The following GRK3 variants were observed in gnomAD, a reference collection of about 807,000 sequenced individuals.
GRK3 encodes adrenergic, beta, receptor kinase 2.
In GRK3, 54 loss-of-function variants were observed where a neutral mutation model predicts 95.7. The observed-to-expected ratio is 0.56, with a 90% CI of 0.45 to 0.71. The LOEUF is 0.71. Among genes scored for constraint, GRK3 ranks in the 30% least tolerant of loss-of-function variants. The probability of loss-of-function intolerance (pLI) is 0.00; values close to 1 mark genes in which losing one functional copy is unlikely to be tolerated. For missense variants in GRK3, 649 were observed against 851.2 expected, an observed-to-expected ratio of 0.76 and a Z score of 2.96; for synonymous variants, 281 against 290.8, an observed-to-expected ratio of 0.97 and a Z score of 0.34.
intron 1 of GRK3, among the ~76,000 whole-genome samples, chr22:25,601,741 C>CT (rs1371568126): frequency 6.6e-6 from 1 of 152,050 alleles, no homozygotes; most frequent in African/African-American, 2.4e-5. Context: ...AGAAGGAAGT[C>CT]TTTTCAACAA....
chr22:25,575,104 A>C (rs1403800994), intron 1 of GRK3, among the ~76,000 whole-genome samples: 2 of 152,240 alleles, frequency 1.3e-5, no homozygotes, highest in Non-Finnish European at 2.9e-5. Context: ...TTCATCATTT[A>C]GTTGACTGGC....
intron 15 of GRK3, among the ~76,000 whole-genome samples, chr22:25,705,599 A>G (rs1227584907): frequency 6.6e-6 from 1 of 152,134 alleles, no homozygotes; most frequent in Non-Finnish European, 1.5e-5. Context: ...ATATATACAT[A>G]TATAGTATGA....
chr22:25,628,299 A>T (rs1296965564), intron 2 of GRK3, among the ~76,000 whole-genome samples: 1 of 152,236 alleles, frequency 6.6e-6, no homozygotes, highest in Non-Finnish European at 1.5e-5. Context: ...GGCCATGTCT[A>T]TTGAAATAAC....
At chr22:25,618,691 T>C (rs1029321512) in intron 2 of GRK3, among the ~76,000 whole-genome samples, 4 of 152,202 alleles carry the variant, frequency 2.6e-5, no homozygotes, top group Non-Finnish European at 5.9e-5. Flanking sequence ...GTTAGGTTAT[T>C]GCCACACTGG....
intron 3 of GRK3, among the ~76,000 whole-genome samples, chr22:25,655,131 C>A (rs576191933): frequency 6.6e-6 from 1 of 152,224 alleles, no homozygotes; most frequent in South Asian, 2.1e-4. Context: ...AAACTCTTGT[C>A]AGGTATCTTG....
chr22:25,709,715 T>A (rs1047753966), intron 15 of GRK3, among the ~76,000 whole-genome samples, 183 bp from the exon 16 acceptor site: 9 of 152,206 alleles, frequency 5.9e-5, no homozygotes, highest in Non-Finnish European at 1.2e-4. Flanking sequence ...AGGCGCTGCA[T>A]GCAGTATTCT....
chr22:25,572,398 G>A (rs1931734622), intron 1 of GRK3, among the ~76,000 whole-genome samples: 1 of 152,156 alleles, frequency 6.6e-6, no homozygotes, highest in Non-Finnish European at 1.5e-5. Context: ...GGGTCAAATG[G>A]TATTTCTAGT....
intron 9 of GRK3, among the ~76,000 whole-genome samples, chr22:25,682,123 AAGCATTTATTTGGTAATTAAAAC>A (rs1328362179): frequency 7.9e-5 from 12 of 152,216 alleles, no homozygotes; most frequent in Non-Finnish European, 1.2e-4. Context: ...ACTTTAGTTA[AAGCATTTATTTGGTAATTAAAAC>A]AGCATTTATT....
rs370208365 is a variant in GRK3, at chr22:25,648,972, T to C, written c.264+4307T>C. 139 of 983,462 alleles carry C rather than the reference T, an allele frequency of 1.4e-4. 2 individuals carry two copies. The South Asian group carries it at 1.7e-3, about 12-fold the overall frequency. 60.9% of individuals were successfully genotyped at this position (983,462 alleles called of 1,614,324 possible). ...GTTTACAATAAAGTCTGGTGTCTGC[T>C]CATTTGGAATTCTACAGACAGAACT... On this transcript the variant is annotated intron_variant, in intron 3 of 20. Transcript: ENST00000324198.
At chr22:25,671,039 C>G (rs2084977825) in intron 6 of GRK3, among the ~76,000 whole-genome samples, 1 of 139,658 alleles carries the variant, frequency 7.2e-6, no homozygotes, top group Non-Finnish European at 1.5e-5. Context: ...GGGGACATAG[C>G]AAGACTCCAT....
At chr22:25,700,794 C>G (rs572896478) in intron 13 of GRK3, among the ~76,000 whole-genome samples, 1 of 152,250 alleles carries the variant, frequency 6.6e-6, no homozygotes, top group East Asian at 1.9e-4. Context: ...ACCTTGTTAG[C>G]CGGGATGGTC....
chr22:25,585,395 T>C (rs1932265797), intron 1 of GRK3, among the ~76,000 whole-genome samples: 1 of 152,222 alleles, frequency 6.6e-6, no homozygotes, highest in African/African-American at 2.4e-5. Flanking sequence ...TAGAATGTAA[T>C]GGTTACCATG....
At position 25,567,560 on chromosome 22, in the gene GRK3, G is replaced by C. The variant is rs148959086; in HGVS notation, c.113+2407G>C. On this transcript the variant is annotated intron_variant, in intron 1 of 20. Transcript: ENST00000324198. ...ATGACTTCACACTATTGGTAAAAGGGATACGGGTCAAATGTTTTCTGATAA... is the reference window on the plus strand; with the variant it reads ...ATGACTTCACACTATTGGTAAAAGGCATACGGGTCAAATGTTTTCTGATAA... 1.3e-4 allele frequency among the ~76,000 whole-genome samples: 20 copies of C among 152,310 alleles called. No homozygotes were observed. In the East Asian group the frequency reaches 3.7e-3, roughly 28 times the overall value.
chr22:25,654,798 A>G (rs2084858189), intron 3 of GRK3, among the ~76,000 whole-genome samples: 1 of 152,116 alleles, frequency 6.6e-6, no homozygotes, highest in Non-Finnish European at 1.5e-5. Context: ...CTGCTCATGC[A>G]TTTCCATTTG....
chr22:25,647,841 T>A (rs565264700), intron 3 of GRK3: 1 of 755,962 alleles, frequency 1.3e-6, no homozygotes, highest in Non-Finnish European at 2.4e-6. Context: ...CTGGGTGCAG[T>A]GGCTCATGCC....
chr22:25,637,725 T>A (rs1344049021), intron 2 of GRK3, among the ~76,000 whole-genome samples: 1 of 152,210 alleles, frequency 6.6e-6, no homozygotes, highest in East Asian at 1.9e-4. Context: ...TCTCCAGTGA[T>A]AGAAAAGTAA....
At chr22:25,628,414 C>A (rs1267276767) in intron 2 of GRK3, among the ~76,000 whole-genome samples, 2 of 152,162 alleles carry the variant, frequency 1.3e-5, no homozygotes, top group East Asian at 3.8e-4. Flanking sequence ...TTATTTATTG[C>A]AGCAGTTTTG....
chr22:25,694,156 T>C (rs1360167701), intron 12 of GRK3, among the ~76,000 whole-genome samples: 1 of 152,180 alleles, frequency 6.6e-6, no homozygotes, highest in East Asian at 1.9e-4. Context: ...GTGGCTGCTG[T>C]ATGTGGCCCC....
At chr22:25,617,154 C>G (rs2084545939) in intron 2 of GRK3, among the ~76,000 whole-genome samples, 1 of 152,190 alleles carries the variant, frequency 6.6e-6, no homozygotes, top group Non-Finnish European at 1.5e-5. Context: ...TTATACGATG[C>G]ACTTACTCTC....
Sources: allele counts gnomAD v4.1 joint callset (sites outside exome capture counted in the v4.1 genomes callset), GRCh38; gene constraint gnomAD v4.1.1; transcripts MANE v1.5; gene names NCBI Gene and HGNC (gene_info 2026-07-23, HGNC 2026-07-21).